SMIM14: variants seen among roughly 807,000 people sequenced by gnomAD.
The protein encoded by SMIM14 is small integral membrane protein 14.
In SMIM14, 5 loss-of-function variants were observed where a neutral mutation model predicts 12.6. That is an observed-to-expected ratio of 0.40 (90% confidence interval 0.21 to 0.83). The LOEUF (loss-of-function observed/expected upper bound fraction) is 0.83. SMIM14 is among the 40% of genes least tolerant of loss of function. The pLI is 0.37. For synonymous variants in SMIM14, 30 were observed against 40.1 expected (o/e 0.75, Z 0.95); for missense variants, 86 against 119.1 (o/e 0.72, Z 1.29).
intron 1 of SMIM14, 108 bp from the exon 2 acceptor site, chr4:39,605,288 G>A: frequency 7.3e-6 from 4 of 545,314 alleles, no homozygotes; most frequent in Non-Finnish European, 1.3e-5. Flanking sequence ...ATTAAACTAT[G>A]TATAGTTTGT....
At chr4:39,571,048 A>G (rs1712852636) in intron 3 of SMIM14, among the ~76,000 whole-genome samples, 1 of 152,074 alleles carries the variant, frequency 6.6e-6, no homozygotes. Flanking sequence ...ATTTCTGAGT[A>G]TCCTGAAAAA....
chr4:39,569,500 G>A (rs1039285524), intron 3 of SMIM14, among the ~76,000 whole-genome samples: 1 of 152,152 alleles, frequency 6.6e-6, no homozygotes, highest in Non-Finnish European at 1.5e-5. Flanking sequence ...ATGCAATTTG[G>A]CAATATGTAA....
intron 2 of SMIM14, among the ~76,000 whole-genome samples, chr4:39,592,226 TAGAC>T (rs1429984945): frequency 6.7e-6 from 1 of 149,516 alleles, no homozygotes; most frequent in East Asian, 2.0e-4. Flanking sequence ...TATAGATAGA[TAGAC>T]AGATAGATAG....
intron 1 of SMIM14, among the ~76,000 whole-genome samples, chr4:39,624,055 T>C (rs1715602554): frequency 6.6e-6 from 1 of 152,236 alleles, no homozygotes; most frequent in South Asian, 2.1e-4. Context: ...GGAAGCATTC[T>C]ATGCATTTTT....
In SMIM14 at chr4:39,559,742, A is replaced by G. The variant is rs188948712; in HGVS notation, c.125-3172T>C. 1.4e-4 allele frequency among the ~76,000 whole-genome samples: 22 copies of G among 152,242 alleles called. No individual in the cohort carries two copies. The East Asian group carries it at 4.2e-3, about 29-fold the overall frequency. On this transcript the variant is annotated intron_variant, in intron 3 of 4. Coordinates refer to ENST00000295958, the MANE Select transcript of SMIM14 (RefSeq NM_174921.3). ...TGGCAAACAAATTAGTACAAAATAT[A>G]TATTAAAAAGAGCTGAGCTGGCCTA... is the stretch of plus-strand genomic sequence containing the variant.
chr4:39,554,495 C>A (rs1305113373), intron 4 of SMIM14, among the ~76,000 whole-genome samples: 1 of 151,918 alleles, frequency 6.6e-6, no homozygotes, highest in Non-Finnish European at 1.5e-5. Context: ...GTAATCCCAG[C>A]TACTCGGTAG....
intron 1 of SMIM14, among the ~76,000 whole-genome samples, chr4:39,622,524 C>T (rs549131343): frequency 1.3e-5 from 2 of 152,226 alleles, no homozygotes; most frequent in Non-Finnish European, 2.9e-5. Context: ...CCCCAGCCTC[C>T]CAAGTAGCTG....
Position 39,627,851 on chromosome 4 carries a change from A to AT in SMIM14, c.-36+10887dup, listed in dbSNP as rs542500711. ...TGGTCAAGGTCCAGGGGTAAAACTGATCATAAAGAGTCAAACAAAGGAAAG... is the reference window on the plus strand; with the variant it reads ...TGGTCAAGGTCCAGGGGTAAAACTGATTCATAAAGAGTCAAACAAAGGAAAG... On this transcript the variant is annotated intron_variant, in intron 1 of 4. Transcript: ENST00000295958. Among the ~76,000 whole-genome samples the AT allele has an allele frequency of 4.6e-5, 7 of 152,324 alleles. No homozygotes were observed. In the South Asian group the frequency reaches 1.5e-3, roughly 32 times the overall value.
chr4:39,584,481 CAAAAA>C (rs554273493), intron 2 of SMIM14, among the ~76,000 whole-genome samples: 8,397 of 27,718 alleles, frequency 0.3, 760 homozygotes, highest in African/African-American at 0.35. Flanking sequence ...GACACTGTCT[CAAAAA>C]AAAAAAAAAA....
At chr4:39,573,952 T>C (rs1578323335) in intron 2 of SMIM14, among the ~76,000 whole-genome samples, 1 of 152,222 alleles carries the variant, frequency 6.6e-6, no homozygotes, top group Middle Eastern at 3.4e-3. Flanking sequence ...CTATCTATAT[T>C]ATAAGCCATC....
At chr4:39,618,922 G>A (rs1715327068) in intron 1 of SMIM14, among the ~76,000 whole-genome samples, 1 of 151,858 alleles carries the variant, frequency 6.6e-6, no homozygotes, top group African/African-American at 2.4e-5. Context: ...ATGGAGTAGA[G>A]ATTTGGGCAT....
intron 2 of SMIM14, among the ~76,000 whole-genome samples, chr4:39,585,394 T>A (rs889499600): frequency 7.9e-5 from 12 of 152,126 alleles, no homozygotes; most frequent in Non-Finnish European, 1.6e-4. Context: ...CCTCCCAGGT[T>A]CAAGTGATTC....
intron 1 of SMIM14, among the ~76,000 whole-genome samples, chr4:39,628,567 A>G (rs1715786464): frequency 6.6e-6 from 1 of 151,362 alleles, no homozygotes; most frequent in Admixed American, 6.6e-5. Flanking sequence ...GTCCCAAGTC[A>G]GCAACTTGGG....
rs189429826 is a variant in SMIM14, at chr4:39,605,772, G to A, written c.-35-592C>T. On this transcript the variant is annotated intron_variant, in intron 1 of 4. Coordinates refer to ENST00000295958, the MANE Select transcript of SMIM14 (RefSeq NM_174921.3). ...TTGTTTTGTTTTTAGACAGAGTCTC[G>A]CTCTGTCGCCCAGGCTGGAGTGCAG... 4.4e-3 allele frequency among the ~76,000 whole-genome samples: 668 copies of A among 152,234 alleles called. 6 individuals carry two copies. The highest frequency in any genetic ancestry group is 0.016 in the African/African-American group (647 of 41,556).
intron 2 of SMIM14, among the ~76,000 whole-genome samples, chr4:39,590,917 G>A (rs892881034): frequency 3.9e-5 from 6 of 152,042 alleles, no homozygotes; most frequent in Admixed American, 2.0e-4. Flanking sequence ...GAGACTCACC[G>A]TCTATCCTTA....
chr4:39,595,321 G>A (rs1423801375), intron 2 of SMIM14, among the ~76,000 whole-genome samples: 9 of 143,784 alleles, frequency 6.3e-5, no homozygotes, highest in South Asian at 2.2e-4. Flanking sequence ...ACCAAACACC[G>A]CATATTCTCA....
At chr4:39,587,338 T>C (rs1002258191) in intron 2 of SMIM14, among the ~76,000 whole-genome samples, 20 of 150,262 alleles carry the variant, frequency 1.3e-4, no homozygotes, top group Non-Finnish European at 3.0e-5. Flanking sequence ...CTACTAAAAA[T>C]ACAAAAAAAT....
At chr4:39,623,653 A>G (rs763719464) in intron 1 of SMIM14, among the ~76,000 whole-genome samples, 10 of 152,188 alleles carry the variant, frequency 6.6e-5, no homozygotes, top group African/African-American at 1.2e-4. Flanking sequence ...TGAGGCCAAG[A>G]GTTCAACACC....
In SMIM14 at chr4:39,547,510, AC is replaced by A. The variant is rs1747387221; in HGVS notation, c.*4615del. The A allele has an allele frequency of 6.6e-6, 1 of 152,228 alleles. No homozygotes were observed. Among genetic ancestry groups the A allele is most frequent in the Non-Finnish European group, 1.5e-5 (1 of 68,036 alleles). 9.4% of individuals were successfully genotyped at this position (152,228 alleles called of 1,614,324 possible). ...AACAAACTAATCTTCACACATGGTA[AC>A]AAATACCTATGATTTTTCATTTAGA... On this transcript the variant is annotated 3_prime_UTR_variant, in exon 5 of 5. Transcript: ENST00000295958.
Sources: allele counts gnomAD v4.1 joint callset (sites outside exome capture counted in the v4.1 genomes callset), GRCh38; gene constraint gnomAD v4.1.1; transcripts MANE v1.5; gene names NCBI Gene and HGNC (gene_info 2026-07-23, HGNC 2026-07-21).